Variants in CCSER1 observed in about 807,000 individuals in gnomAD.
The protein encoded by CCSER1 is serine-rich coiled-coil domain-containing protein 1.
In CCSER1, 41 loss-of-function variants were observed where a neutral mutation model predicts 82.0. The observed-to-expected ratio is 0.50, with a 90% confidence interval of 0.39 to 0.65. The LOEUF (loss-of-function observed/expected upper bound fraction) is 0.65. Among genes scored for constraint, CCSER1 ranks in the 30% least tolerant of loss-of-function variants. CCSER1 has a pLI of 0.00. For synonymous variants in CCSER1, 414 were observed against 383.9 expected (o/e 1.08, Z -0.92); for missense variants, 1,119 against 1,064.2 (o/e 1.05, Z -0.72).
At chr4:91,194,583 C>G (rs1435800420) in intron 10 of CCSER1, among the ~76,000 whole-genome samples, 2 of 152,120 alleles carry the variant, frequency 1.3e-5, no homozygotes, top group Non-Finnish European at 2.9e-5. Context: ...GCTCCACAGT[C>G]AATCATGTCA....
chr4:90,888,411 T>G (rs1356676522), intron 8 of CCSER1, among the ~76,000 whole-genome samples: 1 of 152,146 alleles, frequency 6.6e-6, no homozygotes, highest in Non-Finnish European at 1.5e-5. Flanking sequence ...GAAAGAGTAG[T>G]GAACAAGAAG....
chr4:90,482,684 G>A (rs1463454445), intron 5 of CCSER1, among the ~76,000 whole-genome samples: 5 of 152,150 alleles, frequency 3.3e-5, no homozygotes, highest in Non-Finnish European at 7.3e-5. Flanking sequence ...GAGCGGTTTT[G>A]AGTGAGTTTC....
At chr4:90,223,644 T>C (rs1054984998) in intron 1 of CCSER1, among the ~76,000 whole-genome samples, 2 of 152,204 alleles carry the variant, frequency 1.3e-5, no homozygotes, top group Admixed American at 6.5e-5. Context: ...GAGCCTACTT[T>C]ATGACCTTAA....
intron 4 of CCSER1, among the ~76,000 whole-genome samples, chr4:90,429,302 G>A (rs998942432): frequency 4.0e-5 from 6 of 151,676 alleles, no homozygotes; most frequent in Non-Finnish European, 8.9e-5. Context: ...TTATTGTAAC[G>A]ACACAGAGCC....
rs142874893 is a variant in CCSER1, at chr4:91,167,296, C to G, written c.2217+81302C>G. 9.2e-3 allele frequency among the ~76,000 whole-genome samples: 1,395 copies of G among 151,264 alleles called. 9 individuals carry two copies. Among genetic ancestry groups the G allele is most frequent in the African/African-American group, 0.022 (910 of 41,130 alleles). ...TTGCCTCGTGGGTTCAAGCAATTCC[C>G]TGCCTCAGCCTCCCGAGTAGCTGGG... On this transcript the variant is annotated intron_variant, in intron 10 of 10. Coordinates refer to ENST00000509176, the MANE Select transcript of CCSER1 (RefSeq NM_001145065.2).
At chr4:91,058,873 G>A (rs1743684404) in intron 9 of CCSER1, among the ~76,000 whole-genome samples, 1 of 151,942 alleles carries the variant, frequency 6.6e-6, no homozygotes, top group South Asian at 2.1e-4. Flanking sequence ...TATTTAACCA[G>A]TATGAATTAT....
chr4:90,554,208 G>A (rs546827128), intron 5 of CCSER1, among the ~76,000 whole-genome samples: 226 of 152,122 alleles, frequency 1.5e-3, no homozygotes, highest in Non-Finnish European at 2.5e-3. Context: ...AAAAAAACAC[G>A]AATGAATTTG....
chr4:90,557,349 A>G (rs1778260285), intron 5 of CCSER1, among the ~76,000 whole-genome samples: 1 of 152,010 alleles, frequency 6.6e-6, no homozygotes, highest in African/African-American at 2.4e-5. Context: ...GAGAATGGAG[A>G]GTTAGGAAAT....
At chr4:90,988,334 C>CAA (rs60408059) in intron 9 of CCSER1, among the ~76,000 whole-genome samples, 104 of 75,366 alleles carry the variant, frequency 1.4e-3, no homozygotes, top group African/African-American at 3.1e-3. Context: ...TATCTTGTCT[C>CAA]AAAAAAAAAA....
chr4:90,692,516 G>A (rs188269121), intron 6 of CCSER1, among the ~76,000 whole-genome samples: 19 of 152,008 alleles, frequency 1.2e-4, no homozygotes, highest in South Asian at 6.2e-4. Flanking sequence ...GCATAATGAC[G>A]GCAGTAACAT....
At chr4:91,182,890 A>T (rs114409047) in intron 10 of CCSER1, among the ~76,000 whole-genome samples, 2 of 152,366 alleles carry the variant, frequency 1.3e-5, no homozygotes, top group South Asian at 2.1e-4. Flanking sequence ...AAGATGAGGC[A>T]TGTACCATTT....
At chr4:91,158,479 C>T (rs756081324) in intron 10 of CCSER1, among the ~76,000 whole-genome samples, 21 of 151,872 alleles carry the variant, frequency 1.4e-4, no homozygotes, top group Non-Finnish European at 2.7e-4. Context: ...GGAAATTTTG[C>T]TCCACTATCA....
At chr4:90,490,075 G>T (rs988462933) in intron 5 of CCSER1, among the ~76,000 whole-genome samples, 21 of 152,024 alleles carry the variant, frequency 1.4e-4, no homozygotes, top group African/African-American at 1.9e-4. Context: ...TTTCTAGTTC[G>T]ATATCCCTGA....
At chr4:91,402,346 C>A (rs537738191) in intron 10 of CCSER1, among the ~76,000 whole-genome samples, 97 of 152,162 alleles carry the variant, frequency 6.4e-4, no homozygotes, top group African/African-American at 2.2e-3. Context: ...CTGTAGGTTG[C>A]CTATTCACTC....
At chr4:90,493,066 T>G (rs1768330285) in intron 5 of CCSER1, among the ~76,000 whole-genome samples, 1 of 152,254 alleles carries the variant, frequency 6.6e-6, no homozygotes. Context: ...GAGAAGTCCT[T>G]AAATTACCTG....
intron 5 of CCSER1, among the ~76,000 whole-genome samples, chr4:90,588,952 A>G (rs555065939): frequency 1.3e-5 from 2 of 152,336 alleles, no homozygotes; most frequent in African/African-American, 4.8e-5. Context: ...GAATGGACTC[A>G]TAAAACTGGT....
At chr4:90,288,822 C>CA (rs1449548019) in intron 1 of CCSER1, among the ~76,000 whole-genome samples, 7 of 151,808 alleles carry the variant, frequency 4.6e-5, no homozygotes, top group Non-Finnish European at 8.8e-5. Context: ...TCCCACTTTA[C>CA]AAAAAAACAA....
intron 1 of CCSER1, among the ~76,000 whole-genome samples, chr4:90,191,875 T>G (rs577869468): frequency 6.6e-6 from 1 of 152,082 alleles, no homozygotes; most frequent in East Asian, 1.9e-4. Flanking sequence ...TCTGTGACTT[T>G]TAGAATGTGG....
chr4:91,151,119 G>A (rs1730144514), intron 10 of CCSER1, among the ~76,000 whole-genome samples: 1 of 151,994 alleles, frequency 6.6e-6, no homozygotes, highest in Non-Finnish European at 1.5e-5. Context: ...TTGGTTGGTA[G>A]GCTATTAATT....
Sources: allele counts gnomAD v4.1 joint callset (sites outside exome capture counted in the v4.1 genomes callset), GRCh38; gene constraint gnomAD v4.1.1; transcripts MANE v1.5; gene names NCBI Gene and HGNC (gene_info 2026-07-23, HGNC 2026-07-21).